Variants in NLRP2 observed in about 807,000 individuals in gnomAD.
The protein encoded by NLRP2 is NACHT, LRR and PYD domains-containing protein 2.
In NLRP2, 107 loss-of-function variants were observed where a neutral mutation model predicts 97.2. That is an observed-to-expected ratio of 1.10 (90% CI 0.94 to 1.29). The LOEUF (loss-of-function observed/expected upper bound fraction) is 1.29. NLRP2 is among the 50% of genes most tolerant of loss of function. The probability of loss-of-function intolerance (pLI) is 0.00; values close to 1 mark genes in which losing one functional copy is unlikely to be tolerated. For synonymous variants in NLRP2, 663 were observed against 551.5 expected (o/e 1.20, Z -2.83); for missense variants, 1,495 against 1,330.3 (o/e 1.12, Z -1.93).
At chr19:54,978,631 G>A (rs1468353055) in intron 4 of NLRP2, among the ~76,000 whole-genome samples, 1 of 151,908 alleles carries the variant, frequency 6.6e-6, no homozygotes, top group African/African-American at 2.4e-5. Context: ...GCTGAGGCGG[G>A]TGGATCAAGA....
intron 6 of NLRP2, among the ~76,000 whole-genome samples, chr19:54,984,329 G>GTTTTTTTTTTTTTTTTTTTTTT (rs200366059): frequency 1.8e-4 from 14 of 79,666 alleles, no homozygotes; most frequent in African/African-American, 4.2e-4. Context: ...TTTTTTTTGT[G>GTTTTTTTTTTTTTTTTTTTTTT]TTTTTTTTTT....
At position 54,994,374 on chromosome 19, in the gene NLRP2, A is replaced by T; in HGVS notation, c.2814A>T (p.Gly938=). 1 of 1,613,968 alleles carries T rather than the reference A, an allele frequency of 6.2e-7. No homozygotes were observed. The highest frequency in any genetic ancestry group is 8.5e-7 in the Non-Finnish European group (1 of 1,180,036). The change falls in exon 11 of 13, where the codon GGA becomes GGT. Residue 938 remains glycine, a synonymous_variant. Coordinates refer to ENST00000448584, the MANE Select transcript of NLRP2 (RefSeq NM_017852.5). The part of the protein sequence containing the change: ...LCLDLGLNHI[G]VKGMKFLCEA... ...TGGATCTGGGGCTGAATCACATAGG[A>T]GTTAAGGGAATGAAGTTCCTGTGTG...
At chr19:54,968,817 T>TTGAGAGG (rs2070654857) in intron 1 of NLRP2, among the ~76,000 whole-genome samples, 2 of 150,378 alleles carry the variant, frequency 1.3e-5, no homozygotes, top group African/African-American at 4.9e-5. Context: ...TTCTCCTGCC[T>TTGAGAGG]CAGCCTCCCA....
At chr19:54,977,423 A>G (rs2071306857) in intron 3 of NLRP2, among the ~76,000 whole-genome samples, 1 of 151,578 alleles carries the variant, frequency 6.6e-6, no homozygotes, top group African/African-American at 2.4e-5. Flanking sequence ...CTACATCTCA[A>G]AAAAAAAGAA....
intron 1 of NLRP2, among the ~76,000 whole-genome samples, chr19:54,968,127 A>G: frequency 6.6e-6 from 1 of 152,062 alleles, no homozygotes; most frequent in East Asian, 1.9e-4. Flanking sequence ...TATGTTGGCC[A>G]GGCTGGTCTC....
Position 54,983,506 on chromosome 19 carries a change from A to G in NLRP2, c.1808A>G (p.Gln603Arg). The G allele has an allele frequency of 6.2e-7, 1 of 1,614,190 alleles. No individual in the cohort carries two copies. The highest frequency in any genetic ancestry group is 2.2e-5 in the East Asian group (1 of 44,882). ...GGACATTCAACGGTGACAGACCTGC[A>G]GGAGCTCCTCGGCTGTCTGTACGAG... ...KGGHSTVTDL[Q>R]ELLGCLYESQ... Residue 603 changes from glutamine (Q) to arginine (R), a missense_variant, in exon 6 of 13, where the codon CAG becomes CGG. Physicochemically the swap from Gln to Arg is conservative, Grantham distance 43. Coordinates refer to ENST00000448584, the MANE Select transcript of NLRP2 (RefSeq NM_017852.5).
chr19:54,972,973 G>C (rs1163820810), intron 2 of NLRP2, among the ~76,000 whole-genome samples: 1 of 152,028 alleles, frequency 6.6e-6, no homozygotes, highest in Non-Finnish European at 1.5e-5. Context: ...TGGATCACTT[G>C]AGGCCAGGAG....
At chr19:54,977,956 C>A in intron 4 of NLRP2, 133 bp downstream of exon 4, 1 of 838,924 alleles carries the variant, frequency 1.2e-6, no homozygotes, top group South Asian at 1.4e-5. Flanking sequence ...CCCACTGTCT[C>A]CTGGAGAATG....
At chr19:55,000,647 A>C (rs2073135976) in intron 12 of NLRP2, 113 bp from the exon 13 acceptor site, 1 of 1,068,292 alleles carries the variant, frequency 9.4e-7, no homozygotes, top group African/African-American at 1.6e-5. Context: ...TAGAATAATC[A>C]GGAAAGGTGA....
chr19:54,994,861 G>A (rs535502999), intron 11 of NLRP2, among the ~76,000 whole-genome samples: 4 of 151,276 alleles, frequency 2.6e-5, no homozygotes, highest in Admixed American at 2.6e-4. Context: ...CGCCCATCTC[G>A]GCCTCCCAAA....
intron 1 of NLRP2, among the ~76,000 whole-genome samples, chr19:54,968,741 G>T (rs1317265547): frequency 8.1e-6 from 1 of 124,210 alleles, no homozygotes; most frequent in Non-Finnish European, 1.6e-5. Context: ...GTCGCCCCAG[G>T]CTGGAGTGCA....
At chr19:54,984,327 GTGT>G (rs2071879942) in intron 6 of NLRP2, among the ~76,000 whole-genome samples, 4 of 43,350 alleles carry the variant, frequency 9.2e-5, no homozygotes, top group African/African-American at 1.5e-4. Context: ...GTTTTTTTTT[GTGT>G]TTTTTTTTTT....
intron 5 of NLRP2, 32 bp downstream of exon 5, chr19:54,981,714 G>C (rs202237342): frequency 9.0e-5 from 107 of 1,189,220 alleles, no homozygotes; most frequent in Non-Finnish European, 1.2e-4. Context: ...AGGGAGCTTG[G>C]GATCAGATTT....
chr19:54,985,677 CAAAAAAAAAAAAAAA>C (rs113852885), intron 7 of NLRP2, among the ~76,000 whole-genome samples: 1 of 68,016 alleles, frequency 1.5e-5, no homozygotes. Flanking sequence ...GACTGCGTCT[CAAAAAAAAAAAAAAA>C]AAAAAAGAAA....
In NLRP2 at chr19:54,983,086, C is replaced by A. The variant is rs564190416; in HGVS notation, c.1388C>A (p.Ser463Tyr). ...GCGCAGGGCCTGTGGGCGCAGACGTCCGTGCTTCACCGAGAGGATCTGGAA... is the reference window on the plus strand; with the variant it reads ...GCGCAGGGCCTGTGGGCGCAGACGTACGTGCTTCACCGAGAGGATCTGGAA... The part of the protein sequence containing the change: ...LAAQGLWAQT[S>Y]VLHREDLERL... The change falls in exon 6 of 13, where the codon TCC becomes TAC. Residue 463 changes from serine to tyrosine, a missense_variant. By Grantham distance (144) the Ser-to-Tyr change is moderately radical (BLOSUM62 -2). Transcript: ENST00000448584. The A allele has an allele frequency of 6.6e-5, 107 of 1,613,086 alleles. No homozygotes were observed. In the East Asian group the frequency reaches 2.4e-3, roughly 36 times the overall value.
rs773925733 is a variant in NLRP2, at chr19:54,982,574, G to T, written c.876G>T (p.Glu292Asp). 6 of 1,614,214 alleles carry T rather than the reference G, an allele frequency of 3.7e-6. No individual in the cohort carries two copies. The East Asian group carries it at 8.9e-5, about 24-fold the overall frequency. The change falls in exon 6 of 13, where the codon GAG (glutamate) becomes GAT (aspartate). Residue 292 changes from glutamate (E) to aspartate (D), a missense_variant. By Grantham distance (45) the Glu-to-Asp change is conservative. Coordinates refer to ENST00000448584, the MANE Select transcript of NLRP2 (RefSeq NM_017852.5). Reference sequence around the variant, plus strand: ...TGTTCGTGATTGACGGCTTTGATGAGCTGGGAGCCGCACCTGGGGCGCTGA... The same window carrying T: ...TGTTCGTGATTGACGGCTTTGATGATCTGGGAGCCGCACCTGGGGCGCTGA... Reference protein sequence around the residue: ...KILFVIDGFDELGAAPGALIE... With the variant: ...KILFVIDGFDDLGAAPGALIE...
chr19:54,968,937 A>G (rs912763389), intron 1 of NLRP2, among the ~76,000 whole-genome samples: 1 of 151,084 alleles, frequency 6.6e-6, no homozygotes, highest in East Asian at 2.0e-4. Flanking sequence ...TCCTGACCTC[A>G]CGATCCGCCC....
rs1166209975 is a variant in NLRP2, at chr19:54,997,602, G to T, written c.3050+115G>T. 6 of 1,080,662 alleles carry T rather than the reference G, an allele frequency of 5.6e-6. No homozygotes were observed. In the African/African-American group the frequency reaches 6.2e-5, roughly 11 times the overall value. The allele number at this position is 1,080,662 out of a possible 1,614,324, so 66.9% of individuals were successfully genotyped here. A position where few individuals can be genotyped will look rare whatever the true frequency, so the allele number is the denominator to read the frequency against. On this transcript the variant is annotated intron_variant, in intron 12 of 12. Coordinates refer to ENST00000448584, the MANE Select transcript of NLRP2 (RefSeq NM_017852.5). ...TCTGGTAGCTGGATTACAGGTTCCCGCCATCACACCCAGCCAATTTCTGTA... is the reference window on the plus strand; with the variant it reads ...TCTGGTAGCTGGATTACAGGTTCCCTCCATCACACCCAGCCAATTTCTGTA...
At chr19:54,984,146 G>A (rs768134522) in intron 6 of NLRP2, among the ~76,000 whole-genome samples, 17 of 151,562 alleles carry the variant, frequency 1.1e-4, no homozygotes, top group Admixed American at 7.9e-4. Context: ...CACCATGCCC[G>A]GCCCAAATAT....
Sources: allele counts gnomAD v4.1 joint callset (sites outside exome capture counted in the v4.1 genomes callset), GRCh38; gene constraint gnomAD v4.1.1; transcripts MANE v1.5; gene names NCBI Gene and HGNC (gene_info 2026-07-23, HGNC 2026-07-21).